Variants in CUX1 observed in about 807,000 individuals in gnomAD.
CUX1 encodes cut like homeobox 1, also known as protein CASP.
A neutral mutation model predicts 158.8 loss-of-function variants in CUX1; 31 were observed. The ratio of observed to expected loss-of-function variants is 0.20; its 90% CI spans 0.15 to 0.26. The LOEUF (loss-of-function observed/expected upper bound fraction) is 0.26, where lower values mean the gene tolerates loss of function less well. Ranked by LOEUF, CUX1 falls within the 10% of genes least tolerant of loss-of-function variation. The pLI is 1.00. For missense variants in CUX1, 1,589 were observed against 2,014.6 expected (o/e 0.79, Z 4.04); for synonymous variants, 879 against 862.1 (o/e 1.02, Z -0.34).
intron 1 of CUX1, among the ~76,000 whole-genome samples, chr7:101,874,276 G>A (rs1798883458): frequency 6.6e-6 from 1 of 152,166 alleles, no homozygotes; most frequent in Non-Finnish European, 1.5e-5. Flanking sequence ...TGCTTCCTTG[G>A]TGTCTCTCTC....
intron 22 of CUX1, among the ~76,000 whole-genome samples, chr7:102,235,269 A>G (rs984217713): frequency 1.3e-5 from 2 of 152,154 alleles, no homozygotes; most frequent in Non-Finnish European, 2.9e-5. Flanking sequence ...TCCTCAGGTC[A>G]CCTATGGTGC....
At chr7:101,919,016 T>C (rs1584979928) in intron 2 of CUX1, among the ~76,000 whole-genome samples, 1 of 152,218 alleles carries the variant, frequency 6.6e-6, no homozygotes, top group Admixed American at 6.5e-5. Flanking sequence ...TGACCTCAGG[T>C]GATCCGCCCA....
At chr7:102,170,575 G>A (rs201064765) in intron 10 of CUX1, 25 bp downstream of exon 10, 4 of 1,520,092 alleles carry the variant, frequency 2.6e-6, no homozygotes, top group African/African-American at 2.8e-5. Flanking sequence ...CCCCGTGGGG[G>A]ACTGTCCCCG....
At chr7:101,965,848 C>CAAAAA (rs36052208) in intron 2 of CUX1, among the ~76,000 whole-genome samples, 1 of 50,120 alleles carries the variant, frequency 2.0e-5, no homozygotes, top group Non-Finnish European at 3.1e-5. Flanking sequence ...GACTCCATCT[C>CAAAAA]AAAAAAAAAA....
Position 102,082,553 on chromosome 7 carries a change from C to G in CUX1, c.268+12136C>G, listed in dbSNP as rs558755060. 3.4e-5 allele frequency among the ~76,000 whole-genome samples: 5 copies of G among 147,018 alleles called. No homozygotes were observed. In the Admixed American group the frequency reaches 3.4e-4, roughly 10 times the overall value. On this transcript the variant is annotated intron_variant, in intron 4 of 23. Transcript: ENST00000292535. Reference sequence around the variant, plus strand: ...ATACATAAACACATACAATGAAATGCGCTCATTTCAAGTGTGCAGTGTGAT... The same window carrying G: ...ATACATAAACACATACAATGAAATGGGCTCATTTCAAGTGTGCAGTGTGAT...
chr7:102,163,839 G>A (rs1425188383), intron 9 of CUX1, among the ~76,000 whole-genome samples: 2 of 152,188 alleles, frequency 1.3e-5, no homozygotes, highest in Non-Finnish European at 2.9e-5. Flanking sequence ...CTAGCTCACT[G>A]GCATACAACA....
intron 12 of CUX1, among the ~76,000 whole-genome samples, chr7:102,192,171 C>G (rs900907106): frequency 1.3e-5 from 2 of 152,188 alleles, no homozygotes; most frequent in African/African-American, 4.8e-5. Flanking sequence ...CTCACCCCCA[C>G]GCAACAGGGG....
chr7:102,227,886 G>C (rs903795240), intron 21 of CUX1, among the ~76,000 whole-genome samples: 1 of 151,402 alleles, frequency 6.6e-6, no homozygotes. Flanking sequence ...ACGGGGACCA[G>C]TTAGAAGATG....
chr7:101,923,077 C>T (rs1464388215), intron 2 of CUX1, among the ~76,000 whole-genome samples: 1 of 152,196 alleles, frequency 6.6e-6, no homozygotes, highest in African/African-American at 2.4e-5. Context: ...GGCGAGGTTA[C>T]GGGAGGTCTG....
intron 3 of CUX1, among the ~76,000 whole-genome samples, chr7:102,048,604 G>A (rs1482621008): frequency 6.6e-6 from 1 of 152,152 alleles, no homozygotes; most frequent in Non-Finnish European, 1.5e-5. Flanking sequence ...CAAGGCGGGT[G>A]GATTACCTGA....
In CUX1 at chr7:101,906,633, C is replaced by T. The variant is rs979093757; in HGVS notation, c.31-9482C>T. On this transcript the variant is annotated intron_variant, in intron 1 of 23. Coordinates refer to ENST00000292535, the MANE Select transcript of CUX1 (RefSeq NM_181552.4). ...GTGTCCTGGAGGACTGTGTCCTGGTCATCTTTCTAGGCCCCCACTGCATGC... is the reference window on the plus strand; with the variant it reads ...GTGTCCTGGAGGACTGTGTCCTGGTTATCTTTCTAGGCCCCCACTGCATGC... 3.3e-5 allele frequency among the ~76,000 whole-genome samples: 5 copies of T among 152,190 alleles called. No homozygotes were observed. The East Asian group carries it at 9.7e-4, about 30-fold the overall frequency.
chr7:102,074,283 A>G (rs1242318552), intron 4 of CUX1, among the ~76,000 whole-genome samples: 1 of 152,224 alleles, frequency 6.6e-6, no homozygotes, highest in Non-Finnish European at 1.5e-5. Context: ...AAAGGGAGGA[A>G]GCCCTTGGGA....
chr7:101,977,814 G>C (rs1473752158), intron 2 of CUX1, among the ~76,000 whole-genome samples: 2 of 152,080 alleles, frequency 1.3e-5, no homozygotes, highest in African/African-American at 4.8e-5. Context: ...CCTCCTTCCA[G>C]GAGCCAAGAA....
At chr7:102,237,149 G>C (rs1799658585) in intron 22 of CUX1, among the ~76,000 whole-genome samples, 1 of 152,186 alleles carries the variant, frequency 6.6e-6, no homozygotes. Context: ...GTTTTCTATG[G>C]GGAAGATTTA....
intron 4 of CUX1, among the ~76,000 whole-genome samples, chr7:102,078,509 T>G (rs1279604349): frequency 6.6e-6 from 1 of 152,242 alleles, no homozygotes; most frequent in Non-Finnish European, 1.5e-5. Flanking sequence ...TGTGACCTGC[T>G]ATCAGAACCG....
At chr7:102,099,534 CTGGTT>C (rs1381981721) in intron 5 of CUX1, among the ~76,000 whole-genome samples, 2 of 148,810 alleles carry the variant, frequency 1.3e-5, no homozygotes, top group Middle Eastern at 3.4e-3. Flanking sequence ...GATCCACTCT[CTGGTT>C]TGTTTGGTGA....
At chr7:102,169,736 C>G (rs372730284) in intron 9 of CUX1, among the ~76,000 whole-genome samples, 3 of 152,232 alleles carry the variant, frequency 2.0e-5, no homozygotes, top group African/African-American at 7.2e-5. Context: ...CATCTGCTCT[C>G]TGGGGGTGGT....
intron 1 of CUX1, among the ~76,000 whole-genome samples, chr7:101,887,037 C>T (rs6979596): frequency 0.46 from 70,200 of 151,952 alleles, 17,419 homozygotes; most frequent in African/African-American, 0.63. Flanking sequence ...GGACCAGGCA[C>T]AGCGTGGGGC....
At chr7:101,859,634 G>A (rs1371306573) in intron 1 of CUX1, among the ~76,000 whole-genome samples, 1 of 152,108 alleles carries the variant, frequency 6.6e-6, no homozygotes, top group African/African-American at 2.4e-5. Flanking sequence ...TTGCCAGAAT[G>A]CTGATTTAAT....
Sources: gnomAD v4.1 joint callset for allele counts (sites outside exome capture counted in the v4.1 genomes callset) on GRCh38, gnomAD v4.1.1 for gene constraint, MANE v1.5 for transcripts, NCBI Gene and HGNC (gene_info 2026-07-23, HGNC 2026-07-21) for gene names.